The following RHPN1 variants were observed in gnomAD, a reference collection of about 807,000 sequenced individuals.
RHPN1 encodes the protein rhophilin Rho GTPase binding protein 1.
RHPN1 carries 77 observed loss-of-function variants against 74.7 expected under a neutral mutation model. The ratio of observed to expected loss-of-function variants is 1.03; its 90% CI spans 0.86 to 1.25. The LOEUF is 1.25. Among genes scored for constraint, RHPN1 ranks in the 50% most tolerant of loss-of-function variants. RHPN1 has a pLI of 0.00. For synonymous variants in RHPN1, 444 were observed against 414.5 expected, an observed-to-expected ratio of 1.07 and a Z score of -0.87; for missense variants, 987 against 932.2, an observed-to-expected ratio of 1.06 and a Z score of -0.77.
Position 143,382,713 on chromosome 8 carries a change from C to T in RHPN1, c.*62C>T. On this transcript the variant is annotated 3_prime_UTR_variant, in exon 15 of 15. Coordinates refer to ENST00000289013, the MANE Select transcript of RHPN1 (RefSeq NM_052924.3). ...GCTGGCAGCAAGCACCGAGCATGCCCTCCCCACCCAGAGGACCTCCGGGCA... is the reference window on the plus strand; with the variant it reads ...GCTGGCAGCAAGCACCGAGCATGCCTTCCCCACCCAGAGGACCTCCGGGCA... 7.0e-7 allele frequency: 1 copy of T among 1,425,628 alleles called. No individual in the cohort carries two copies. The highest frequency in any genetic ancestry group is 1.4e-5 in the African/African-American group (1 of 71,258). The allele number at this position is 1,425,628 out of a possible 1,614,324, so 88.3% of individuals were successfully genotyped here.
chr8:143,374,133 A>C (rs1049741758), intron 1 of RHPN1: 2 of 985,294 alleles, frequency 2.0e-6, no homozygotes, highest in African/African-American at 3.5e-5. Flanking sequence ...AACTCTCTCC[A>C]GATATCTAGG....
intron 7 of RHPN1, 30 bp downstream of exon 7, chr8:143,379,108 C>T (rs753851826): frequency 4.2e-5 from 62 of 1,464,410 alleles, no homozygotes; most frequent in South Asian, 3.6e-4. Context: ...CGGTGGGGCA[C>T]GGCGCGGTGC....
rs1479937125 is a variant in RHPN1, at chr8:143,379,105, G to T, written c.751+27G>T. The T allele has an allele frequency of 8.2e-6, 12 of 1,467,388 alleles. No individual in the cohort carries two copies. In the South Asian group the frequency reaches 1.2e-4, roughly 15 times the overall value. The allele number at this position is 1,467,388 out of a possible 1,614,324, so 90.9% of individuals were successfully genotyped here. On this transcript the variant is annotated intron_variant, in intron 7 of 14. Transcript: ENST00000289013. The stretch of plus-strand genomic sequence containing the variant: ...TGAGGGCGGCCCGGGCCGCGGTGGG[G>T]CACGGCGCGGTGCCAGGGTGTTGCA...
rs1350658386 is a variant in RHPN1 at position 143,382,621 on chromosome 8, C to T, written c.1983C>T (p.Pro661=). 15 of 1,610,630 alleles carry T rather than the reference C, an allele frequency of 9.3e-6. No individual in the cohort carries two copies. The highest frequency in any genetic ancestry group is 1.3e-5 in the Non-Finnish European group (15 of 1,179,720). The change falls in exon 15 of 15, where the codon CCC becomes CCT. Residue 661 remains proline, a synonymous_variant. Coordinates refer to ENST00000289013, the MANE Select transcript of RHPN1 (RefSeq NM_052924.3). ...GTGCCCCAGTGAAGCCAGCTCCGCC[C>T]TCATCCTTGAAGCACCCAGGGTGGC... is the stretch of plus-strand genomic sequence containing the variant. ...QPCAPVKPAP[P]SSLKHPGWP is the part of the protein sequence containing the mutation.
upstream of RHPN1, chr8:143,366,890 C>G (rs1163496357): frequency 6.6e-6 from 1 of 152,282 alleles, no homozygotes; most frequent in Non-Finnish European, 1.5e-5. Context: ...GTTTGGGTCT[C>G]TGCTGTACAG....
At position 143,377,136 on chromosome 8, in the gene RHPN1, GTGTT is replaced by G. The variant is rs1214382629; in HGVS notation, c.306-240_306-237del. Among the ~76,000 whole-genome samples, 10 of 152,116 alleles carry G rather than the reference GTGTT, an allele frequency of 6.6e-5. No homozygotes were observed. In the East Asian group the frequency reaches 1.6e-3, roughly 24 times the overall value. On this transcript the variant is annotated intron_variant, in intron 3 of 14. Transcript: ENST00000289013. ...TGTGTCTGCATGTGTATGCACGCAT[GTGTT>G]TGTGTGTGTGTGTGCGCGCGCATGT...
upstream of RHPN1, chr8:143,368,809 C>G: frequency 2.8e-6 from 1 of 357,640 alleles, no homozygotes; most frequent in Non-Finnish European, 4.9e-6. Flanking sequence ...ACGCCAGACC[C>G]GTGCCCCGCC....
chr8:143,374,391 AG>A, intron 1 of RHPN1: 1 of 890,476 alleles, frequency 1.1e-6, no homozygotes, highest in Non-Finnish European at 1.3e-6. Context: ...AAGCAGTCCC[AG>A]GAGCCACCAG....
chr8:143,364,736 A>G (rs2130514347), upstream of RHPN1, among the ~76,000 whole-genome samples: 1 of 152,252 alleles, frequency 6.6e-6, no homozygotes, highest in East Asian at 1.9e-4. This position sits in a 1 kb window ranked among gnomAD's most constrained non-coding sequence, Gnocchi z 4.5. Context: ...TGCATCTTTT[A>G]CTAAAGGTGG....
At chr8:143,375,349 T>C (rs958296870) in intron 1 of RHPN1, among the ~76,000 whole-genome samples, 2 of 152,220 alleles carry the variant, frequency 1.3e-5, no homozygotes, top group Non-Finnish European at 2.9e-5. Flanking sequence ...CCTTCTGCAT[T>C]GACTGCCTCC....
chr8:143,366,390 A>G (rs534029590), upstream of RHPN1, among the ~76,000 whole-genome samples: 2 of 152,242 alleles, frequency 1.3e-5, no homozygotes, highest in African/African-American at 4.8e-5. Context: ...CAAATCTAAA[A>G]TAATTTAAAA....
At chr8:143,367,009 C>G (rs1485695108), upstream of RHPN1, 2 of 152,312 alleles carry the variant, frequency 1.3e-5, no homozygotes. Context: ...GGTAAGATGG[C>G]CAGGAGCCCC....
rs1053222789 is a variant in RHPN1 at position 143,368,977 on chromosome 8, C to T, written c.-11C>T. 14 of 1,473,830 alleles carry T rather than the reference C, an allele frequency of 9.5e-6. No individual in the cohort carries two copies. The highest frequency in any genetic ancestry group is 1.8e-6 in the Non-Finnish European group (2 of 1,120,410). The allele number at this position is 1,473,830 out of a possible 1,614,324, so 91.3% of individuals were successfully genotyped here. ...TGACCCCGAGGGACCCCCAGCGCAG[C>T]GGGTGCGGCGATGATCCTGGAGGAG... On this transcript the variant is annotated 5_prime_UTR_variant, in exon 1 of 15. Transcript: ENST00000289013.
At chr8:143,378,550 T>C (rs1472940778) in intron 5 of RHPN1, 146 bp from the exon 6 acceptor site, 16 of 1,203,066 alleles carry the variant, frequency 1.3e-5, no homozygotes, top group Non-Finnish European at 1.7e-5. Flanking sequence ...CGCATGCTGC[T>C]GGCCTTCGGG....
In RHPN1 at chr8:143,377,412, G is replaced by A. The variant is rs1018078607; in HGVS notation, c.338G>A (p.Gly113Asp). The A allele has an allele frequency of 1.2e-6, 2 of 1,613,520 alleles. No individual in the cohort carries two copies. The highest frequency in any genetic ancestry group is 1.3e-5 in the African/African-American group (1 of 75,034). Residue 113 changes from glycine to aspartate, a missense_variant, in exon 4 of 15, where the codon GGC becomes GAC. Transcript: ENST00000289013. ...GTCACTGTCCCCATGATCCCCCTGG[G>A]CCTGAAGGAGACCAAGGAGCTGGAC... ...EAVTVPMIPL[G>D]LKETKELDWS... is the part of the protein sequence containing the mutation.
rs1386926110 is a variant in RHPN1, at chr8:143,380,580, C to T, written c.1217-9C>T. On this transcript the variant is annotated splice_polypyrimidine_tract_variant and intron_variant, in intron 10 of 14. Transcript: ENST00000289013. ...CATGGTGTGTGACATCCCAGTGCCC[C>T]GCGTGCAGGCAAGGCACACCTGAAG... 21 of 1,487,216 alleles carry T rather than the reference C, an allele frequency of 1.4e-5. No homozygotes were observed. Among genetic ancestry groups the T allele is most frequent in the Non-Finnish European group, 1.6e-5 (18 of 1,114,154 alleles). 92.1% of individuals were successfully genotyped at this position (1,487,216 alleles called of 1,614,324 possible). A position where few individuals can be genotyped will look rare whatever the true frequency, so the allele number is the denominator to read the frequency against.
upstream of RHPN1, among the ~76,000 whole-genome samples, chr8:143,365,652 G>C (rs980104559): frequency 2.6e-5 from 4 of 152,172 alleles, no homozygotes; most frequent in Non-Finnish European, 4.4e-5. Context: ...CATGTTCCTG[G>C]TTGCAGCAAG....
chr8:143,378,135 G>T (rs1818409750), intron 4 of RHPN1, 134 bp from the exon 5 acceptor site: 6 of 748,844 alleles, frequency 8.0e-6, no homozygotes, highest in South Asian at 6.8e-5. Flanking sequence ...CCCCCACGCT[G>T]CATGGCAGCC....
intron 12 of RHPN1, 35 bp from the exon 13 acceptor site, chr8:143,381,537 C>T (rs763734170): frequency 1.3e-6 from 2 of 1,586,400 alleles, no homozygotes; most frequent in East Asian, 2.2e-5. Context: ...CAGTGTGTGG[C>T]CCAGCTGGGC....
Sources: allele counts gnomAD v4.1 joint callset (sites outside exome capture counted in the v4.1 genomes callset), GRCh38; gene constraint gnomAD v4.1.1; non-coding constraint Gnocchi (gnomAD v3.1); transcripts MANE v1.5; gene names NCBI Gene and HGNC (gene_info 2026-07-23, HGNC 2026-07-21).